Variants in PPP6R3 observed in about 807,000 individuals in gnomAD.
The protein encoded by PPP6R3 is protein phosphatase 6 regulatory subunit 3.
A neutral mutation model predicts 110.7 loss-of-function variants in PPP6R3; 38 were observed. The observed-to-expected ratio is 0.34, with a 90% confidence interval of 0.26 to 0.45. The LOEUF is 0.45. PPP6R3 is among the 20% of genes least tolerant of loss of function. PPP6R3 has a pLI of 1.00. For synonymous variants in PPP6R3, 369 were observed against 373.5 expected (o/e 0.99, Z 0.14); for missense variants, 870 against 1,062.4 (o/e 0.82, Z 2.52).
chr11:68,566,527 AT>A (rs1473172310), intron 9 of PPP6R3, among the ~76,000 whole-genome samples: 4 of 151,830 alleles, frequency 2.6e-5, no homozygotes, highest in Non-Finnish European at 4.4e-5. Flanking sequence ...TGCCTGGCTA[AT>A]TTTTGTATTT....
chr11:68,557,930 TTAC>T, intron 7 of PPP6R3, among the ~76,000 whole-genome samples: 1 of 152,230 alleles, frequency 6.6e-6, no homozygotes, highest in East Asian at 1.9e-4. Context: ...AATTGTTATC[TTAC>T]TATGTATGAG....
chr11:68,531,049 T>C lies in PPP6R3; in HGVS notation c.-6-6610T>C, dbSNP rs528089830. Among the ~76,000 whole-genome samples the C allele has an allele frequency of 1.7e-4, 26 of 152,328 alleles. No homozygotes were observed. The East Asian group carries it at 2.5e-3, about 15-fold the overall frequency. ...CTTGTTGAATGAAAACCCACTGATA[T>C]CAACTTTTTCAGAGGTAGTTTCTGA... On this transcript the variant is annotated intron_variant, in intron 2 of 23. Transcript: ENST00000393800.
Position 68,567,148 on chromosome 11 carries a change from T to C in PPP6R3, c.1110T>C (p.Asn370=), listed in dbSNP as rs772874803. The C allele has an allele frequency of 7.1e-6, 11 of 1,549,314 alleles. No individual in the cohort carries two copies. The highest frequency in any genetic ancestry group is 2.4e-5 in the South Asian group (2 of 83,220). Residue 370 remains asparagine, a synonymous_variant, in exon 10 of 24, where the codon AAT becomes AAC. Transcript: ENST00000393800. ...SSINGDLMEL[N]SIGVILNMFF... is the part of the protein sequence containing the mutation. ...TAAATGGGGACCTTATGGAGCTGAA[T>C]AGCATTGGAGTCATATTGGTGAGAT...
intron 7 of PPP6R3, among the ~76,000 whole-genome samples, chr11:68,555,929 A>G (rs781743047): frequency 3.3e-5 from 5 of 152,344 alleles, no homozygotes; most frequent in Admixed American, 6.5e-5. Context: ...TATTTGACAC[A>G]CTGCACATCT....
intron 1 of PPP6R3, among the ~76,000 whole-genome samples, chr11:68,464,364 C>A (rs1275964989): frequency 6.6e-6 from 1 of 152,022 alleles, no homozygotes; most frequent in Non-Finnish European, 1.5e-5. Flanking sequence ...CTCCTGACCT[C>A]GTGATCTACC....
intron 1 of PPP6R3, among the ~76,000 whole-genome samples, chr11:68,462,737 A>C (rs2098717230): frequency 6.6e-6 from 1 of 152,134 alleles, no homozygotes; most frequent in South Asian, 2.1e-4. Context: ...ACAATCCTTT[A>C]CCGCTTGCCC....
At chr11:68,549,828 G>A (rs959786020) in intron 5 of PPP6R3, among the ~76,000 whole-genome samples, 7 of 152,162 alleles carry the variant, frequency 4.6e-5, no homozygotes, top group Admixed American at 6.5e-5. Flanking sequence ...TTGGGGAAAG[G>A]TTAGTTAGAA....
chr11:68,531,043 C>G (rs563377088), intron 2 of PPP6R3, among the ~76,000 whole-genome samples: 2 of 152,180 alleles, frequency 1.3e-5, no homozygotes, highest in African/African-American at 2.4e-5. Context: ...TGAAAACCCA[C>G]TGATATCAAC....
chr11:68,489,622 C>T lies in PPP6R3; in HGVS notation c.-158+28795C>T, dbSNP rs559327241. Among the ~76,000 whole-genome samples the T allele has an allele frequency of 4.6e-5, 7 of 150,654 alleles. No homozygotes were observed. The South Asian group carries it at 1.5e-3, about 32-fold the overall frequency. ...AGGTTTATGGCAACCCCGTATTTGC[C>T]AGGGTATCAGCGCCATTTTTCCAGT... On this transcript the variant is annotated intron_variant, in intron 1 of 23. Transcript: ENST00000393800.
At position 68,548,197 on chromosome 11, in the gene PPP6R3, T is replaced by C; in HGVS notation, c.545T>C (p.Val182Ala). ...GAACCTCCACAGCCCAGGCAAGATG[T>C]GCTGAATGTGAGTAGAATTCTGACC... ...CIEPPQPRQD[V>A]LNWLNEEKII... The change falls in exon 5 of 24, where the codon GTG (valine) becomes GCG (alanine). Residue 182 changes from valine (V) to alanine (A), a missense_variant. Val to Ala is a moderately conservative substitution (Grantham distance 64, BLOSUM62 0). Coordinates refer to ENST00000393800, the MANE Select transcript of PPP6R3 (RefSeq NM_001164161.2). The C allele has an allele frequency of 6.2e-7, 1 of 1,614,022 alleles. No homozygotes were observed. The highest frequency in any genetic ancestry group is 8.5e-7 in the Non-Finnish European group (1 of 1,179,974).
At chr11:68,559,453 A>T (rs1324958550) in intron 8 of PPP6R3, among the ~76,000 whole-genome samples, 1 of 152,192 alleles carries the variant, frequency 6.6e-6, no homozygotes, top group Non-Finnish European at 1.5e-5. Context: ...TTTTACCCCA[A>T]AATTCATTCA....
intron 1 of PPP6R3, among the ~76,000 whole-genome samples, chr11:68,486,750 G>C (rs1202223221): frequency 6.6e-6 from 1 of 152,034 alleles, no homozygotes; most frequent in Admixed American, 6.6e-5. Flanking sequence ...TATTTTAGAA[G>C]GTTATTATTC....
chr11:68,487,587 T>A (rs891718282), intron 1 of PPP6R3, among the ~76,000 whole-genome samples: 1 of 151,330 alleles, frequency 6.6e-6, no homozygotes, highest in Non-Finnish European at 1.5e-5. Context: ...AAAAATTGTA[T>A]TTTTTTTTAT....
intron 7 of PPP6R3, among the ~76,000 whole-genome samples, chr11:68,555,073 A>G (rs1314806414): frequency 6.6e-6 from 1 of 152,170 alleles, no homozygotes; most frequent in Non-Finnish European, 1.5e-5. Context: ...CATTACAGAC[A>G]AGTTAATGTG....
intron 1 of PPP6R3, among the ~76,000 whole-genome samples, chr11:68,518,291 A>G (rs2099146877): frequency 6.6e-6 from 1 of 152,240 alleles, no homozygotes; most frequent in South Asian, 2.1e-4. Flanking sequence ...GGGCAAATTG[A>G]CATCATCTTG....
At chr11:68,592,247 A>G (rs995158297) in intron 18 of PPP6R3, among the ~76,000 whole-genome samples, 2 of 152,106 alleles carry the variant, frequency 1.3e-5, no homozygotes, top group Non-Finnish European at 2.9e-5. Context: ...CATTGTCAGA[A>G]TCTTCATATT....
At chr11:68,585,521 A>G (rs555803263) in intron 15 of PPP6R3, among the ~76,000 whole-genome samples, 1 of 152,186 alleles carries the variant, frequency 6.6e-6, no homozygotes, top group East Asian at 1.9e-4. Flanking sequence ...TTATACAGCT[A>G]TATTGTGCTT....
intron 7 of PPP6R3, among the ~76,000 whole-genome samples, chr11:68,557,161 G>C (rs1162694581): frequency 6.6e-6 from 1 of 152,198 alleles, no homozygotes; most frequent in African/African-American, 2.4e-5. Flanking sequence ...TCCAGAGCTT[G>C]GTTCCAGACC....
At chr11:68,522,286 C>T (rs1565583364) in intron 2 of PPP6R3, among the ~76,000 whole-genome samples, 1 of 152,238 alleles carries the variant, frequency 6.6e-6, no homozygotes, top group Non-Finnish European at 1.5e-5. Context: ...AACATGTCCA[C>T]TGCCAATCTG....
Sources: gnomAD v4.1 joint callset for allele counts (sites outside exome capture counted in the v4.1 genomes callset) on GRCh38, gnomAD v4.1.1 for gene constraint, MANE v1.5 for transcripts, NCBI Gene and HGNC (gene_info 2026-07-23, HGNC 2026-07-21) for gene names.